The following SSH2 variants were observed in gnomAD, a reference collection of about 807,000 sequenced individuals.
The protein encoded by SSH2 is protein phosphatase Slingshot homolog 2.
In SSH2, 37 loss-of-function variants were observed where a neutral mutation model predicts 135.2. That is an observed-to-expected ratio of 0.27 (90% CI 0.21 to 0.36). SSH2 has a LOEUF of 0.36. SSH2 is among the 10% of genes least tolerant of loss of function. The pLI, the probability that SSH2 is intolerant of heterozygous loss-of-function variation, is 1.00. For synonymous variants in SSH2, 628 were observed against 646.2 expected (o/e 0.97, Z 0.43); for missense variants, 1,408 against 1,765.3 (o/e 0.80, Z 3.63).
Position 29,676,882 on chromosome 17 carries a change from C to T in SSH2, c.552G>A (p.Gly184=), listed in dbSNP as rs2037744270. 1.2e-6 allele frequency: 2 copies of T among 1,613,398 alleles called. No individual in the cohort carries two copies. The highest frequency in any genetic ancestry group is 2.2e-5 in the South Asian group (2 of 91,076). Residue 184 remains glycine (G), a synonymous_variant, in exon 8 of 16, where the codon GGG becomes GGA. Coordinates refer to ENST00000540801, the MANE Select transcript of SSH2 (RefSeq NM_001282129.2). ...DTLIHLDGDG[G]FSVSTDNRVH... The stretch of plus-strand genomic sequence containing the variant: ...CTCTGTTATCCGTCGATACACTGAA[C>T]CCACTAAGGACAAATGAGAACAAGA...
chr17:29,884,067 G>A (rs1021830656), intron 1 of SSH2, among the ~76,000 whole-genome samples: 2 of 152,018 alleles, frequency 1.3e-5, no homozygotes, highest in Non-Finnish European at 2.9e-5. Flanking sequence ...TCCCACCTTG[G>A]CTTCCACAAG....
At chr17:29,779,370 C>A (rs182140937) in intron 3 of SSH2, among the ~76,000 whole-genome samples, 1 of 152,242 alleles carries the variant, frequency 6.6e-6, no homozygotes, top group South Asian at 2.1e-4. Context: ...ACCATCCCAG[C>A]GAGGCTACTC....
intron 2 of SSH2, among the ~76,000 whole-genome samples, chr17:29,834,771 A>C (rs2042916162): frequency 6.6e-6 from 1 of 152,126 alleles, no homozygotes; most frequent in Non-Finnish European, 1.5e-5. Context: ...TAGAGAGGCA[A>C]CTTAATTTTT....
intron 12 of SSH2, among the ~76,000 whole-genome samples, chr17:29,652,145 A>G (rs2036601845): frequency 6.6e-6 from 1 of 152,186 alleles, no homozygotes; most frequent in East Asian, 1.9e-4. Context: ...TCAGTCTCAA[A>G]AACAAAAAAA....
chr17:29,870,147 A>G (rs1483904070), intron 1 of SSH2, among the ~76,000 whole-genome samples: 2 of 152,292 alleles, frequency 1.3e-5, no homozygotes, highest in South Asian at 4.2e-4. Flanking sequence ...AGCATTTATT[A>G]TAATAACGAT....
chr17:29,712,114 G>A (rs2151148642), intron 3 of SSH2, among the ~76,000 whole-genome samples: 1 of 152,290 alleles, frequency 6.6e-6, no homozygotes, highest in East Asian at 1.9e-4. Flanking sequence ...GTGGGGAGAG[G>A]ACTTCCAGGT....
chr17:29,835,622 A>T (rs1388772174), intron 2 of SSH2, among the ~76,000 whole-genome samples: 2 of 152,216 alleles, frequency 1.3e-5, no homozygotes, highest in Admixed American at 1.3e-4. Flanking sequence ...GCCCCAGCTC[A>T]TGCATGATAG....
chr17:29,672,175 C>CAAAGGCCAATAACCTGTGT (rs1567863055), intron 8 of SSH2, 46 bp from the exon 9 acceptor site: 1 of 1,497,998 alleles, frequency 6.7e-7, no homozygotes, highest in Non-Finnish European at 9.2e-7. Context: ...TGTGGGGTGC[C>CAAAGGCCAATAACCTGTGT]AAAGGCCAAT....
At position 29,781,502 on chromosome 17, in the gene SSH2, T is replaced by TG. The variant is rs1430016539; in HGVS notation, c.188+12391dup. On this transcript the variant is annotated intron_variant, in intron 3 of 15. Transcript: ENST00000540801. ...TTTTTTTTTTTTTTTTTTTTTGAGA[T>TG]GGAGTCTCACTCCATTGCCCGGGCT... is the stretch of plus-strand genomic sequence containing the variant. Among the ~76,000 whole-genome samples, 13 of 135,492 alleles carry TG rather than the reference T, an allele frequency of 9.6e-5. No individual in the cohort carries two copies. The East Asian group carries it at 2.7e-3, about 28-fold the overall frequency. The allele number at this position is 135,492 out of a possible 152,430, so 88.9% of individuals were successfully genotyped here.
chr17:29,889,105 T>C (rs2066298540), intron 1 of SSH2, among the ~76,000 whole-genome samples: 1 of 151,796 alleles, frequency 6.6e-6, no homozygotes, highest in Non-Finnish European at 1.5e-5. Context: ...TATACAAAAA[T>C]TTACTCAAAA....
Position 29,672,529 on chromosome 17 carries a change from T to C in SSH2, c.615-400A>G, listed in dbSNP as rs967326190. On this transcript the variant is annotated intron_variant, in intron 8 of 15. Coordinates refer to ENST00000540801, the MANE Select transcript of SSH2 (RefSeq NM_001282129.2). Reference sequence around the variant, plus strand: ...TCCCTCAGCACAGGATGTTACAGCATATATTTTCTGTAATTCTTAACAGGC... The same window carrying C: ...TCCCTCAGCACAGGATGTTACAGCACATATTTTCTGTAATTCTTAACAGGC... 2.0e-5 allele frequency among the ~76,000 whole-genome samples: 3 copies of C among 152,210 alleles called. No individual in the cohort carries two copies. The East Asian group carries it at 5.8e-4, about 29-fold the overall frequency.
chr17:29,724,682 C>T (rs181884211), intron 3 of SSH2, among the ~76,000 whole-genome samples: 154 of 144,028 alleles, frequency 1.1e-3, no homozygotes, highest in Middle Eastern at 4.0e-3. Flanking sequence ...CTCCACCTCA[C>T]GGGTTCTAGC....
intron 15 of SSH2, among the ~76,000 whole-genome samples, chr17:29,635,192 G>T (rs570924793): frequency 1.3e-5 from 2 of 152,054 alleles, no homozygotes; most frequent in African/African-American, 4.8e-5. Context: ...GTGAGCCACC[G>T]CGCCCGGCCA....
intron 8 of SSH2, chr17:29,675,816 G>C (rs1396054759): frequency 2.6e-5 from 4 of 151,720 alleles, no homozygotes; most frequent in Non-Finnish European, 1.5e-5. Flanking sequence ...AGGAGAGAGA[G>C]AGAGAGATAT....
At chr17:29,870,190 A>G (rs886863476) in intron 1 of SSH2, among the ~76,000 whole-genome samples, 8 of 152,116 alleles carry the variant, frequency 5.3e-5, no homozygotes, top group Non-Finnish European at 1.2e-4. Context: ...ATTATGGTGT[A>G]TCTATATAAT....
chr17:29,746,932 A>G (rs1447384223), intron 3 of SSH2, among the ~76,000 whole-genome samples: 2 of 152,206 alleles, frequency 1.3e-5, no homozygotes, highest in African/African-American at 2.4e-5. Flanking sequence ...AGATAAAGCC[A>G]TATGTAGCAT....
chr17:29,642,820 A>T (rs1038756989), intron 14 of SSH2, among the ~76,000 whole-genome samples: 2 of 152,168 alleles, frequency 1.3e-5, no homozygotes, highest in Non-Finnish European at 2.9e-5. Context: ...AAATCAGTAC[A>T]GGAGCCTGGA....
Position 29,683,502 on chromosome 17 carries a change from T to C in SSH2, c.479+1061A>G, listed in dbSNP as rs192842918. ...ACTCAATAGAAGGAAAAAGGAGGCA[T>C]AGCATTTGGTAAAAGCAAGGTTTAA... On this transcript the variant is annotated intron_variant, in intron 6 of 15. Transcript: ENST00000540801. Among the ~76,000 whole-genome samples the C allele has an allele frequency of 1.2e-4, 18 of 144,548 alleles. No homozygotes were observed. In the East Asian group the frequency reaches 3.7e-3, roughly 30 times the overall value. 94.8% of individuals were successfully genotyped at this position (144,548 alleles called of 152,430 possible).
intron 3 of SSH2, among the ~76,000 whole-genome samples, chr17:29,788,123 T>A (rs1363313306): frequency 6.6e-6 from 1 of 152,232 alleles, no homozygotes; most frequent in Non-Finnish European, 1.5e-5. Flanking sequence ...TTGGGTTGTA[T>A]GATGGTTAAT....
Sources: gnomAD v4.1 joint callset for allele counts (sites outside exome capture counted in the v4.1 genomes callset) on GRCh38, gnomAD v4.1.1 for gene constraint, MANE v1.5 for transcripts, NCBI Gene and HGNC (gene_info 2026-07-23, HGNC 2026-07-21) for gene names.